Variants in TTC28 observed in about 807,000 individuals in gnomAD.
The protein encoded by TTC28 is tetratricopeptide repeat protein 28.
A neutral mutation model predicts 198.0 loss-of-function variants in TTC28; 61 were observed. The ratio of observed to expected loss-of-function variants is 0.31; its 90% CI spans 0.25 to 0.38. TTC28 has a LOEUF of 0.38. TTC28 is among the 10% of genes least tolerant of loss of function. TTC28 has a pLI of 1.00. For synonymous variants in TTC28, 1,171 were observed against 1,297.8 expected, an observed-to-expected ratio of 0.90 and a Z score of 2.10; for missense variants, 2,678 against 3,164.0, an observed-to-expected ratio of 0.85 and a Z score of 3.69.
chr22:28,616,008 G>C (rs997563206), intron 2 of TTC28, among the ~76,000 whole-genome samples: 3 of 152,076 alleles, frequency 2.0e-5, no homozygotes, highest in African/African-American at 7.2e-5. Flanking sequence ...TCAGTAAATT[G>C]CAATCTCAGA....
chr22:28,647,100 T>A (rs2051482073), intron 1 of TTC28, among the ~76,000 whole-genome samples: 1 of 152,150 alleles, frequency 6.6e-6, no homozygotes, highest in African/African-American at 2.4e-5. Flanking sequence ...CCAACTGATC[T>A]TTGATAAAGC....
intron 2 of TTC28, among the ~76,000 whole-genome samples, chr22:28,569,177 A>AATAAATAAATAC (rs2050024458): frequency 6.6e-6 from 1 of 150,588 alleles, no homozygotes; most frequent in African/African-American, 2.4e-5. Context: ...TAAATAAATA[A>AATAAATAAATAC]ATAAATAAAT....
At chr22:28,338,343 T>A (rs2045767661) in intron 2 of TTC28, among the ~76,000 whole-genome samples, 1 of 152,160 alleles carries the variant, frequency 6.6e-6, no homozygotes, top group African/African-American at 2.4e-5. Context: ...TCGAGGAGTA[T>A]CTTTGTGGCG....
At chr22:28,094,337 T>C in intron 11 of TTC28, 92 bp from the exon 12 acceptor site, 1 of 1,316,522 alleles carries the variant, frequency 7.6e-7, no homozygotes, top group Non-Finnish European at 1.0e-6. Flanking sequence ...CAATGGTATG[T>C]GACTTCTTTG....
intron 6 of TTC28, among the ~76,000 whole-genome samples, chr22:28,121,752 G>A (rs369644043): frequency 5.3e-5 from 8 of 152,330 alleles, no homozygotes; most frequent in African/African-American, 1.9e-4. Flanking sequence ...AGAAAGCCAA[G>A]TATTTACCTT....
intron 2 of TTC28, among the ~76,000 whole-genome samples, chr22:28,578,751 G>A (rs1027343645): frequency 3.3e-5 from 5 of 152,138 alleles, no homozygotes; most frequent in Non-Finnish European, 5.9e-5. Context: ...GGAAGGGAGA[G>A]TGCAGTTATT....
At chr22:28,512,412 A>G (rs562853245) in intron 2 of TTC28, among the ~76,000 whole-genome samples, 4 of 152,324 alleles carry the variant, frequency 2.6e-5, no homozygotes, top group Admixed American at 6.5e-5. Flanking sequence ...TGACTCAGCA[A>G]TCTCATTACT....
At chr22:28,557,972 C>T (rs550448883) in intron 2 of TTC28, among the ~76,000 whole-genome samples, 1 of 152,276 alleles carries the variant, frequency 6.6e-6, no homozygotes, top group Non-Finnish European at 1.5e-5. Context: ...CTTTCATGAT[C>T]ATTTTTTACT....
intron 12 of TTC28, among the ~76,000 whole-genome samples, chr22:28,048,464 C>T (rs760040966): frequency 5.3e-5 from 8 of 151,948 alleles, no homozygotes; most frequent in Non-Finnish European, 1.2e-4. Flanking sequence ...AAAGAATGAG[C>T]CAGGATTGGA....
chr22:28,275,616 T>A (rs1220778441), intron 5 of TTC28, among the ~76,000 whole-genome samples: 2 of 152,006 alleles, frequency 1.3e-5, no homozygotes, highest in Non-Finnish European at 2.9e-5. Context: ...CTTTTCCTCA[T>A]CTCTTTTATG....
chr22:28,602,316 T>C (rs2050652488), intron 2 of TTC28, among the ~76,000 whole-genome samples: 1 of 152,182 alleles, frequency 6.6e-6, no homozygotes, highest in Non-Finnish European at 1.5e-5. Context: ...TCTTGCCACG[T>C]AATTGATCCT....
At chr22:28,241,011 G>C in intron 5 of TTC28, among the ~76,000 whole-genome samples, 1 of 151,372 alleles carries the variant, frequency 6.6e-6, no homozygotes, top group Admixed American at 6.6e-5. Context: ...GGAAGGAACA[G>C]AAAATGCACA....
At chr22:28,612,668 G>A (rs1001587545) in intron 2 of TTC28, among the ~76,000 whole-genome samples, 5 of 152,126 alleles carry the variant, frequency 3.3e-5, no homozygotes, top group African/African-American at 9.7e-5. Context: ...TAGAACTCAG[G>A]ATTAAGAAAG....
intron 2 of TTC28, among the ~76,000 whole-genome samples, chr22:28,452,931 A>G (rs1361137606): frequency 6.6e-6 from 1 of 152,218 alleles, no homozygotes; most frequent in African/African-American, 2.4e-5. Context: ...ATAGTGGCAG[A>G]GAGAACTTGC....
intron 2 of TTC28, among the ~76,000 whole-genome samples, chr22:28,308,578 A>T (rs887898884): frequency 1.3e-5 from 2 of 152,144 alleles, no homozygotes; most frequent in Non-Finnish European, 2.9e-5. Flanking sequence ...AAAAGCACTG[A>T]AAAGTATGAT....
At chr22:28,534,329 C>T (rs373240608) in intron 2 of TTC28, among the ~76,000 whole-genome samples, 27 of 152,220 alleles carry the variant, frequency 1.8e-4, no homozygotes, top group East Asian at 5.8e-4. Flanking sequence ...TCATCACTGG[C>T]CATCAGAGAA....
intron 22 of TTC28, among the ~76,000 whole-genome samples, chr22:27,984,973 TGTCGCCGC>T: frequency 6.6e-6 from 1 of 152,286 alleles, no homozygotes; most frequent in East Asian, 1.9e-4. Context: ...CAGGCACACC[TGTCGCCGC>T]GTTCCCGTCT....
At chr22:28,114,300 A>G (rs922164813) in intron 6 of TTC28, among the ~76,000 whole-genome samples, 1 of 152,196 alleles carries the variant, frequency 6.6e-6, no homozygotes, top group Non-Finnish European at 1.5e-5. Flanking sequence ...CTAACCCTAG[A>G]TATCTTTAGG....
chr22:28,265,589 T>C (rs1931631036), intron 5 of TTC28, among the ~76,000 whole-genome samples: 1 of 152,172 alleles, frequency 6.6e-6, no homozygotes, highest in African/African-American at 2.4e-5. Flanking sequence ...TGTTGCCAAA[T>C]GACCAGCAGC....
Sources: gnomAD v4.1 joint callset for allele counts (sites outside exome capture counted in the v4.1 genomes callset) on GRCh38, gnomAD v4.1.1 for gene constraint, MANE v1.5 for transcripts, NCBI Gene and HGNC (gene_info 2026-07-23, HGNC 2026-07-21) for gene names.